Variants in MEIS2 observed in about 807,000 individuals in gnomAD.
The protein encoded by MEIS2 is Meis homeobox 2.
In MEIS2, 9 loss-of-function variants were observed where a neutral mutation model predicts 58.6. The ratio of observed to expected loss-of-function variants is 0.15; its 90% CI spans 0.09 to 0.27. MEIS2 has a LOEUF of 0.27. Ranked by LOEUF, MEIS2 falls within the 10% of genes least tolerant of loss-of-function variation. The probability of loss-of-function intolerance (pLI) is 1.00; values close to 1 mark genes in which losing one functional copy is unlikely to be tolerated. For missense variants in MEIS2, 427 were observed against 635.0 expected (o/e 0.67, Z 3.52); for synonymous variants, 221 against 228.4 (o/e 0.97, Z 0.29).
At chr15:36,933,684 C>T (rs947650007) in intron 9 of MEIS2, among the ~76,000 whole-genome samples, 1 of 152,034 alleles carries the variant, frequency 6.6e-6, no homozygotes, top group Non-Finnish European at 1.5e-5. Flanking sequence ...ATCGTACTAC[C>T]TGTTTCACAT....
At chr15:36,959,430 C>T (rs1049438165) in intron 8 of MEIS2, among the ~76,000 whole-genome samples, 1 of 152,192 alleles carries the variant, frequency 6.6e-6, no homozygotes, top group Non-Finnish European at 1.5e-5. Context: ...CCGTACTTTA[C>T]TACCAGAAGC....
At chr15:37,091,158 G>T (rs977343815) in intron 6 of MEIS2, among the ~76,000 whole-genome samples, 1 of 152,156 alleles carries the variant, frequency 6.6e-6, no homozygotes, top group African/African-American at 2.4e-5. Flanking sequence ...TTGGCTAGGG[G>T]GTTGAAGGAA....
In MEIS2 at chr15:37,099,549, TC is replaced by T; in HGVS notation, c.-84del. ...TAAGAAAGTGATCTAGGCTGAAGAT[TC>T]CTTTTTTTTTTTTCCAAACCAAAGA... is the stretch of plus-strand genomic sequence containing the variant. On this transcript the variant is annotated 5_prime_UTR_variant, in exon 1 of 12. Coordinates refer to ENST00000561208, the MANE Select transcript of MEIS2 (RefSeq NM_170675.5). 2 of 1,555,322 alleles carry T rather than the reference TC, an allele frequency of 1.3e-6. No homozygotes were observed. Among genetic ancestry groups the T allele is most frequent in the Non-Finnish European group, 1.7e-6 (2 of 1,148,554 alleles).
chr15:37,078,018 A>T (rs968876128), intron 7 of MEIS2, among the ~76,000 whole-genome samples: 8 of 152,136 alleles, frequency 5.3e-5, no homozygotes, highest in African/African-American at 1.9e-4. Context: ...TTTTCCCCAT[A>T]GAATCCTCAC....
intron 9 of MEIS2, among the ~76,000 whole-genome samples, chr15:36,919,509 C>T (rs944265446): frequency 6.7e-6 from 1 of 149,512 alleles, no homozygotes; most frequent in Admixed American, 6.7e-5. Flanking sequence ...ACCCGGGAGG[C>T]AGAAGTTGTG....
intron 8 of MEIS2, among the ~76,000 whole-genome samples, chr15:37,027,832 A>G (rs972089061): frequency 6.6e-6 from 1 of 152,092 alleles, no homozygotes; most frequent in Non-Finnish European, 1.5e-5. Context: ...AGGAAGGTAC[A>G]GAGATTTCCC....
chr15:36,973,543 A>T (rs147432974), intron 8 of MEIS2, among the ~76,000 whole-genome samples: 1,910 of 152,312 alleles, frequency 0.013, 13 homozygotes, highest in Non-Finnish European at 0.02. Flanking sequence ...GTTATAAAAC[A>T]TTGGTTTAAA....
chr15:36,946,051 A>G (rs1018018237), intron 9 of MEIS2, among the ~76,000 whole-genome samples: 1 of 151,996 alleles, frequency 6.6e-6, no homozygotes, highest in Non-Finnish European at 1.5e-5. Flanking sequence ...GGAACATTTA[A>G]GTTAATATTA....
intron 8 of MEIS2, among the ~76,000 whole-genome samples, chr15:36,987,494 G>A (rs1432834343): frequency 6.6e-6 from 1 of 152,012 alleles, no homozygotes; most frequent in Admixed American, 6.5e-5. Flanking sequence ...CCCTTCTTGG[G>A]GTGAAATGAC....
intron 9 of MEIS2, 131 bp from the exon 10 acceptor site, chr15:36,896,817 AT>A: frequency 1.3e-6 from 1 of 783,656 alleles, no homozygotes. Flanking sequence ...TTTAAAGGTG[AT>A]TTTCCCTTTC....
At chr15:37,079,211 A>G (rs181191931) in intron 7 of MEIS2, among the ~76,000 whole-genome samples, 1 of 152,272 alleles carries the variant, frequency 6.6e-6, no homozygotes, top group Admixed American at 6.5e-5. Flanking sequence ...TATCAATTAT[A>G]GTCTCACAGA....
At chr15:37,081,949 C>T (rs1021105219) in intron 7 of MEIS2, among the ~76,000 whole-genome samples, 1 of 152,200 alleles carries the variant, frequency 6.6e-6, no homozygotes, top group African/African-American at 2.4e-5. Context: ...AAACTTTATG[C>T]TTTGCTCGTT....
chr15:36,986,238 G>C (rs1483521900), intron 8 of MEIS2, among the ~76,000 whole-genome samples: 1 of 152,130 alleles, frequency 6.6e-6, no homozygotes, highest in East Asian at 1.9e-4. Flanking sequence ...TCTGTATTCA[G>C]CTGTAGCATC....
intron 8 of MEIS2, among the ~76,000 whole-genome samples, chr15:37,007,686 G>T (rs1362291223): frequency 6.6e-6 from 1 of 152,170 alleles, no homozygotes; most frequent in Non-Finnish European, 1.5e-5. Flanking sequence ...ACCTTTTTGT[G>T]AATACACACT....
chr15:36,937,431 C>G (rs1210981658), intron 9 of MEIS2, among the ~76,000 whole-genome samples: 1 of 152,126 alleles, frequency 6.6e-6, no homozygotes, highest in Non-Finnish European at 1.5e-5. Context: ...GGGTATCTAC[C>G]TTGCAAGAAG....
intron 8 of MEIS2, among the ~76,000 whole-genome samples, chr15:36,972,376 G>A (rs2059599268): frequency 6.6e-6 from 1 of 152,078 alleles, no homozygotes; most frequent in African/African-American, 2.4e-5. Context: ...GTGTGATTTT[G>A]TCACTCTACT....
chr15:36,977,374 AT>A (rs1193451540), intron 8 of MEIS2, among the ~76,000 whole-genome samples: 1 of 152,198 alleles, frequency 6.6e-6, no homozygotes, highest in Non-Finnish European at 1.5e-5. Flanking sequence ...CTTAAAAAAA[AT>A]CTTGTTGATT....
chr15:37,058,243 G>A (rs1483615025), intron 7 of MEIS2, among the ~76,000 whole-genome samples: 1 of 152,184 alleles, frequency 6.6e-6, no homozygotes, highest in Non-Finnish European at 1.5e-5. Context: ...CCACGAGCTG[G>A]TAGGGAGAAC....
chr15:37,085,111 C>T (rs1039167124), intron 6 of MEIS2, among the ~76,000 whole-genome samples: 1 of 151,954 alleles, frequency 6.6e-6, no homozygotes, highest in Non-Finnish European at 1.5e-5. Context: ...ATACACCAAT[C>T]GAAGTATACA....
Sources: gnomAD v4.1 joint callset for allele counts (sites outside exome capture counted in the v4.1 genomes callset) on GRCh38, gnomAD v4.1.1 for gene constraint, MANE v1.5 for transcripts, NCBI Gene and HGNC (gene_info 2026-07-23, HGNC 2026-07-21) for gene names.